The following ZFP14 variants were observed in gnomAD, a reference collection of about 807,000 sequenced individuals.
ZFP14 encodes ZFP14 zinc finger protein, also known as zinc finger protein 14 homolog.
In ZFP14, 22 loss-of-function variants were observed where a neutral mutation model predicts 54.5. The observed-to-expected ratio is 0.40, with a 90% confidence interval of 0.29 to 0.58. The LOEUF is 0.58. Ranked by LOEUF, ZFP14 falls within the 20% of genes least tolerant of loss-of-function variation. ZFP14 has a pLI of 0.39. For missense variants in ZFP14, 470 were observed against 637.8 expected (o/e 0.74, Z 2.83); for synonymous variants, 159 against 204.0 (o/e 0.78, Z 1.88).
Position 36,341,623 on chromosome 19 carries a change from T to C in ZFP14, c.236-33A>G. 1 of 1,518,236 alleles carries C rather than the reference T, an allele frequency of 6.6e-7. No homozygotes were observed. The highest frequency in any genetic ancestry group is 8.8e-7 in the Non-Finnish European group (1 of 1,140,208). 94.0% of individuals were successfully genotyped at this position (1,518,236 alleles called of 1,614,324 possible). A position where few individuals can be genotyped will look rare whatever the true frequency, so the allele number is the denominator to read the frequency against. On this transcript the variant is annotated intron_variant, in intron 4 of 4. Transcript: ENST00000270001. The surrounding 1 kb of genome is among the most constrained non-coding windows in gnomAD (Gnocchi z 4.2). ...AAAACAAGAAAGCAAATACATACTG[T>C]TTTCCTGTTCCAGAAAGAAAAAACA...
rs1336781561 is a variant in ZFP14 at position 36,352,575 on chromosome 19, T to A, written c.235+7860A>T. Reference sequence around the variant, plus strand: ...ACTTCGGGAGGCCAAGGTGGGAGAATCCCTTGAGGCCAGGAGTTTTAGAGC... The same window carrying A: ...ACTTCGGGAGGCCAAGGTGGGAGAAACCCTTGAGGCCAGGAGTTTTAGAGC... On this transcript the variant is annotated intron_variant, in intron 4 of 4. Transcript: ENST00000270001. Among the ~76,000 whole-genome samples the A allele has an allele frequency of 2.8e-5, 4 of 142,830 alleles. 2 individuals carry two copies. Among genetic ancestry groups the A allele is most frequent in the African/African-American group, 5.1e-5 (2 of 38,908 alleles). 93.7% of individuals were successfully genotyped at this position (142,830 alleles called of 152,430 possible). A position where few individuals can be genotyped will look rare whatever the true frequency, so the allele number is the denominator to read the frequency against.
chr19:36,349,162 C>T lies in ZFP14; in HGVS notation c.236-7572G>A, dbSNP rs868306841. On this transcript the variant is annotated intron_variant, in intron 4 of 4. Coordinates refer to ENST00000270001, the MANE Select transcript of ZFP14 (RefSeq NM_020917.3). ...GAGAATCACTTGAACCCAGGAGAGG[C>T]GGAGGTTTCAGTGAGCCGAGATTAT... Among the ~76,000 whole-genome samples, 26 of 125,636 alleles carry T rather than the reference C, an allele frequency of 2.1e-4. No homozygotes were observed. The Middle Eastern group carries it at 0.02, about 97-fold the overall frequency. The allele number at this position is 125,636 out of a possible 152,430, so 82.4% of individuals were successfully genotyped here. A position where few individuals can be genotyped will look rare whatever the true frequency, so the allele number is the denominator to read the frequency against.
At chr19:36,348,715 T>C (rs550965886) in intron 4 of ZFP14, among the ~76,000 whole-genome samples, 1 of 152,216 alleles carries the variant, frequency 6.6e-6, no homozygotes, top group Admixed American at 6.5e-5. Context: ...AGGCTGGTCT[T>C]GAACTCCAGA....
chr19:36,348,356 C>A (rs957313049), intron 4 of ZFP14, among the ~76,000 whole-genome samples: 1 of 152,138 alleles, frequency 6.6e-6, no homozygotes, highest in Non-Finnish European at 1.5e-5. Flanking sequence ...CACTGATAAA[C>A]CTGGGAAGCT....
chr19:36,340,536 T>G lies in ZFP14; in HGVS notation c.1290A>C (p.Gly430=). The G allele has an allele frequency of 6.2e-7, 1 of 1,614,146 alleles. No individual in the cohort carries two copies. Among genetic ancestry groups the G allele is most frequent in the South Asian group, 1.1e-5 (1 of 91,072 alleles). ...GERPYECEEC[G]KAFRLLSQLT... Reference sequence around the variant, plus strand: ...GTTGTGAGAGCAGTCTAAAGGCCTTTCCACACTCTTCACATTCATAGGGTC... The same window carrying G: ...GTTGTGAGAGCAGTCTAAAGGCCTTGCCACACTCTTCACATTCATAGGGTC... Residue 430 remains glycine, a synonymous_variant, in exon 5 of 5, where the codon GGA becomes GGC. Coordinates refer to ENST00000270001, the MANE Select transcript of ZFP14 (RefSeq NM_020917.3). The surrounding 1 kb of genome is among the most constrained non-coding windows in gnomAD (Gnocchi z 5.4).
intron 1 of ZFP14, among the ~76,000 whole-genome samples, chr19:36,368,196 C>T (rs1227504540): frequency 1.3e-5 from 2 of 152,156 alleles, no homozygotes; most frequent in African/African-American, 4.8e-5. Context: ...TGGCCGGGCA[C>T]GGTGGCTCTC....
chr19:36,351,998 A>G lies in ZFP14; in HGVS notation c.235+8437T>C, dbSNP rs1185007672. On this transcript the variant is annotated intron_variant, in intron 4 of 4. Transcript: ENST00000270001. ...GGATATCGAGACCATCCTGGCTAACATGGTGAAACCCCGTCTCTACTAAAA... is the reference window on the plus strand; with the variant it reads ...GGATATCGAGACCATCCTGGCTAACGTGGTGAAACCCCGTCTCTACTAAAA... 1.4e-5 allele frequency among the ~76,000 whole-genome samples: 2 copies of G among 142,932 alleles called. 1 individual carries two copies. The highest frequency in any genetic ancestry group is 1.4e-4 in the Admixed American group (2 of 13,968). 93.8% of individuals were successfully genotyped at this position (142,932 alleles called of 152,430 possible).
intron 1 of ZFP14, among the ~76,000 whole-genome samples, chr19:36,370,972 AT>A (rs1487404343): frequency 2.6e-5 from 4 of 152,158 alleles, no homozygotes; most frequent in Non-Finnish European, 5.9e-5. Flanking sequence ...CTGATAAAGA[AT>A]TAAAACAGGC....
At chr19:36,343,018 A>G (rs2031350980) in intron 4 of ZFP14, among the ~76,000 whole-genome samples, 1 of 152,224 alleles carries the variant, frequency 6.6e-6, no homozygotes, top group South Asian at 2.1e-4. Context: ...CAGCAAATAA[A>G]GAGTCCAGGA....
At chr19:36,354,715 A>G (rs1014046953) in intron 4 of ZFP14, among the ~76,000 whole-genome samples, 1 of 142,822 alleles carries the variant, frequency 7.0e-6, no homozygotes, top group African/African-American at 2.6e-5. Context: ...ATTCTCACCC[A>G]GGCTGGAATG....
chr19:36,357,230 A>C (rs775610163), intron 4 of ZFP14, among the ~76,000 whole-genome samples: 1 of 152,116 alleles, frequency 6.6e-6, no homozygotes, highest in Non-Finnish European at 1.5e-5. Flanking sequence ...TTCAGTAGAG[A>C]TCAGGTTTCG....
At chr19:36,368,371 G>C (rs569131711) in intron 1 of ZFP14, among the ~76,000 whole-genome samples, 13 of 152,322 alleles carry the variant, frequency 8.5e-5, no homozygotes, top group African/African-American at 3.1e-4. Flanking sequence ...GGGAGGCTGA[G>C]GCAGGAGAAT....
chr19:36,375,339 T>C (rs188512729), intron 1 of ZFP14, among the ~76,000 whole-genome samples: 2 of 152,218 alleles, frequency 1.3e-5, no homozygotes, highest in East Asian at 3.9e-4. Context: ...ATGAGATTGA[T>C]ATCTCTTCCC....
Position 36,350,618 on chromosome 19 carries a change from A to G in ZFP14, c.236-9028T>C, listed in dbSNP as rs529952897. ...CCTGTCTTTAAAAAACCAAAAAAAA[A>G]CAAAAAACAGCTTCCTAAATACTTC... On this transcript the variant is annotated intron_variant, in intron 4 of 4. Coordinates refer to ENST00000270001, the MANE Select transcript of ZFP14 (RefSeq NM_020917.3). Among the ~76,000 whole-genome samples, 2 of 140,810 alleles carry G rather than the reference A, an allele frequency of 1.4e-5. 1 individual carries two copies. Among genetic ancestry groups the G allele is most frequent in the Non-Finnish European group, 3.1e-5 (2 of 63,922 alleles). The allele number at this position is 140,810 out of a possible 152,430, so 92.4% of individuals were successfully genotyped here. A position where few individuals can be genotyped will look rare whatever the true frequency, so the allele number is the denominator to read the frequency against.
rs1044216538 is a variant in ZFP14, at chr19:36,338,018, T to C, written c.*2206A>G. The C allele has an allele frequency of 6.6e-6, 1 of 152,184 alleles. No homozygotes were observed. Among genetic ancestry groups the C allele is most frequent in the Non-Finnish European group, 1.5e-5 (1 of 68,034 alleles). 9.4% of individuals were successfully genotyped at this position (152,184 alleles called of 1,614,324 possible). On this transcript the variant is annotated 3_prime_UTR_variant, in exon 5 of 5. Coordinates refer to ENST00000270001, the MANE Select transcript of ZFP14 (RefSeq NM_020917.3). Reference sequence around the variant, plus strand: ...CCCATTCAAAAAACAAATTTTTTTTTTGAGACAGGGTCTCACTCTGTCACC... The same window carrying C: ...CCCATTCAAAAAACAAATTTTTTTTCTGAGACAGGGTCTCACTCTGTCACC...
intron 4 of ZFP14, among the ~76,000 whole-genome samples, chr19:36,352,732 G>A (rs1468278681): frequency 7.0e-6 from 1 of 142,334 alleles, no homozygotes; most frequent in Non-Finnish European, 1.6e-5. Flanking sequence ...ACAAGGCCAG[G>A]AGATCGAGAC....
intron 2 of ZFP14, among the ~76,000 whole-genome samples, chr19:36,367,397 T>G (rs1272959893): frequency 6.6e-6 from 1 of 152,144 alleles, no homozygotes; most frequent in Non-Finnish European, 1.5e-5. Context: ...AGGTAGGAGA[T>G]GCTCAACATT....
chr19:36,366,381 C>T (rs1040139819), intron 2 of ZFP14, among the ~76,000 whole-genome samples: 4 of 152,084 alleles, frequency 2.6e-5, no homozygotes, highest in African/African-American at 7.2e-5. Flanking sequence ...TGCAATGGTG[C>T]GATCTCGGTT....
intron 2 of ZFP14, among the ~76,000 whole-genome samples, chr19:36,363,379 T>C (rs1460136572): frequency 6.6e-6 from 1 of 151,658 alleles, no homozygotes; most frequent in East Asian, 2.0e-4. Flanking sequence ...GTATTTTTAG[T>C]AGAGACGGGG....
Sources: gnomAD v4.1 joint callset for allele counts (sites outside exome capture counted in the v4.1 genomes callset) on GRCh38, gnomAD v4.1.1 for gene constraint, Gnocchi (gnomAD v3.1) non-coding constraint, MANE v1.5 for transcripts, NCBI Gene and HGNC (gene_info 2026-07-23, HGNC 2026-07-21) for gene names.